The following RPA3 variants were observed in gnomAD, a reference collection of about 807,000 sequenced individuals.
RPA3 encodes the protein replication protein A3.
In RPA3, 24 loss-of-function variants were observed where a neutral mutation model predicts 13.7. The observed-to-expected ratio is 1.75, with a 90% confidence interval of 1.27 to 2.46. The LOEUF is 2.46. RPA3 is among the 30% of genes most tolerant of loss of function. The pLI is 0.00. For synonymous variants in RPA3, 59 were observed against 51.2 expected (o/e 1.15, Z -0.65); for missense variants, 183 against 151.0 (o/e 1.21, Z -1.11).
chr7:7,676,185 C>T (rs1367352951), intron 4 of RPA3: 4 of 398,532 alleles, frequency 1.0e-5, no homozygotes, highest in Admixed American at 4.4e-5. Context: ...CGTGGCTCCA[C>T]GACTTACTCT....
chr7:7,636,720 G>A lies in RPA3; in HGVS notation c.*280C>T, dbSNP rs28710055. On this transcript the variant is annotated 3_prime_UTR_variant, in exon 8 of 8. Transcript: ENST00000223129. ...ATGAAAATGAAATGACCGATAGTACGTACCATTTTAGTTTTTATTAATAAA... is the reference window on the plus strand; with the variant it reads ...ATGAAAATGAAATGACCGATAGTACATACCATTTTAGTTTTTATTAATAAA... The A allele has an allele frequency of 0.01, 3,287 of 316,064 alleles. 75 individuals carry two copies. The highest frequency in any genetic ancestry group is 0.056 in the Admixed American group (1,132 of 20,048). 19.6% of individuals were successfully genotyped at this position (316,064 alleles called of 1,614,324 possible).
intron 2 of RPA3, among the ~76,000 whole-genome samples, chr7:7,696,295 G>A (rs1189400861): frequency 1.3e-5 from 2 of 150,282 alleles, no homozygotes; most frequent in African/African-American, 2.4e-5. Flanking sequence ...GAATTATTAG[G>A]TAGATTAAAA....
intron 2 of RPA3, among the ~76,000 whole-genome samples, chr7:7,690,391 A>G (rs1486015908): frequency 6.6e-6 from 1 of 152,152 alleles, no homozygotes; most frequent in Non-Finnish European, 1.5e-5. Flanking sequence ...AAAACCAAGT[A>G]TATATTATGT....
At chr7:7,638,702 CG>C (rs1563071094) in intron 6 of RPA3, 1 of 161,268 alleles carries the variant, frequency 6.2e-6, no homozygotes, top group African/African-American at 2.4e-5. Context: ...GCATTCCACC[CG>C]GGGTAACAGA....
chr7:7,678,751 T>C (rs1779828700), intron 4 of RPA3, among the ~76,000 whole-genome samples: 7 of 116,334 alleles, frequency 6.0e-5, no homozygotes, highest in Non-Finnish European at 1.0e-4. Flanking sequence ...AGTTTATAAA[T>C]ATATATTTAT....
chr7:7,659,283 G>GT (rs1199029860), intron 4 of RPA3, among the ~76,000 whole-genome samples: 1 of 152,036 alleles, frequency 6.6e-6, no homozygotes, highest in African/African-American at 2.4e-5. Flanking sequence ...TTTTCGAAGG[G>GT]TTTTTCATGT....
rs929835852 is a variant in RPA3, at chr7:7,659,469, G to A, written c.-757-18294C>T. Among the ~76,000 whole-genome samples the A allele has an allele frequency of 3.3e-5, 5 of 152,140 alleles. 1 individual carries two copies. Among genetic ancestry groups the A allele is most frequent in the African/African-American group, 1.2e-4 (5 of 41,420 alleles). On this transcript the variant is annotated intron_variant, in intron 4 of 7. Transcript: ENST00000223129. ...TGCTATAAATTTTCCTCTAAACACTGCTTTAGATGTGTCCCAGGGATTCTG... is the reference window on the plus strand; with the variant it reads ...TGCTATAAATTTTCCTCTAAACACTACTTTAGATGTGTCCCAGGGATTCTG...
In RPA3 at chr7:7,640,649, G is replaced by C; in HGVS notation, c.-231C>G. On this transcript the variant is annotated 5_prime_UTR_variant, in exon 5 of 8. Coordinates refer to ENST00000223129, the MANE Select transcript of RPA3 (RefSeq NM_002947.5). ...GATTGGCTGCTTAGTGACGCGCGGC[G>C]TCCCGGAAGTTGACAGATACAGGGC... 3.7e-6 allele frequency: 2 copies of C among 538,368 alleles called. No individual in the cohort carries two copies. Among genetic ancestry groups the C allele is most frequent in the Non-Finnish European group, 6.6e-6 (2 of 301,514 alleles). 33.3% of individuals were successfully genotyped at this position (538,368 alleles called of 1,614,324 possible).
intron 4 of RPA3, among the ~76,000 whole-genome samples, chr7:7,659,650 T>G (rs2115087995): frequency 6.6e-6 from 1 of 152,346 alleles, no homozygotes; most frequent in South Asian, 2.1e-4. Context: ...TCTCATTTGA[T>G]TGCACTGTGG....
chr7:7,646,446 T>C (rs1339929788), intron 4 of RPA3, among the ~76,000 whole-genome samples: 1 of 151,140 alleles, frequency 6.6e-6, no homozygotes, highest in Non-Finnish European at 1.5e-5. Context: ...TCACGAGATC[T>C]GATGGCTTTA....
intron 2 of RPA3, among the ~76,000 whole-genome samples, chr7:7,711,448 A>G (rs950613034): frequency 2.6e-5 from 4 of 152,134 alleles, no homozygotes; most frequent in African/African-American, 7.2e-5. Flanking sequence ...TATCCTTTTC[A>G]TATTATACTC....
intron 4 of RPA3, among the ~76,000 whole-genome samples, chr7:7,675,400 C>T (rs1307741924): frequency 6.6e-6 from 1 of 152,146 alleles, no homozygotes; most frequent in Non-Finnish European, 1.5e-5. Context: ...AAGATCTCCT[C>T]CAATTTCTGG....
intron 6 of RPA3, chr7:7,638,847 T>C: frequency 2.6e-6 from 1 of 387,924 alleles, no homozygotes; most frequent in Non-Finnish European, 4.6e-6. Context: ...CCAACATTTA[T>C]GGGATATGTT....
At chr7:7,704,929 A>T (rs953738444) in intron 2 of RPA3, among the ~76,000 whole-genome samples, 6 of 152,200 alleles carry the variant, frequency 3.9e-5, no homozygotes, top group African/African-American at 1.4e-4. Flanking sequence ...GATTCTAAAC[A>T]GTATTCATCA....
chr7:7,714,967 A>C (rs1301629421), intron 2 of RPA3, among the ~76,000 whole-genome samples: 3 of 152,042 alleles, frequency 2.0e-5, no homozygotes, highest in African/African-American at 4.8e-5. Context: ...ACAACAACAA[A>C]AAACTACAGA....
In RPA3 at chr7:7,637,925, G is replaced by A. The variant is rs369694701; in HGVS notation, c.222C>T (p.Thr74=). The part of the protein sequence containing the change: ...SGIVEVVGRV[T]AKATILCTSY... ...ATGTACACAAGATGGTGGCCTTGGC[G>A]GTTACTCTTCCAACCACTTCCACAA... is the stretch of plus-strand genomic sequence containing the variant. The change falls in exon 7 of 8, where the codon ACC becomes ACT. Residue 74 remains threonine, a synonymous_variant. Transcript: ENST00000223129. The A allele has an allele frequency of 1.5e-5, 24 of 1,613,486 alleles. No homozygotes were observed. Among genetic ancestry groups the A allele is most frequent in the South Asian group, 1.2e-4 (11 of 91,062 alleles).
chr7:7,638,082 AT>A, intron 6 of RPA3, 110 bp from the exon 7 acceptor site: 1 of 647,254 alleles, frequency 1.5e-6, no homozygotes, highest in Non-Finnish European at 2.6e-6. Flanking sequence ...TAACAAAGTA[AT>A]TTTAAGAATT....
chr7:7,660,965 C>T (rs1785460138), intron 4 of RPA3, among the ~76,000 whole-genome samples: 2 of 151,948 alleles, frequency 1.3e-5, no homozygotes, highest in Admixed American at 1.3e-4. Flanking sequence ...GGTCTTTTCA[C>T]ATAGTCCCAT....
intron 4 of RPA3, among the ~76,000 whole-genome samples, chr7:7,681,530 T>A (rs1268702407): frequency 6.6e-6 from 1 of 152,180 alleles, no homozygotes; most frequent in Non-Finnish European, 1.5e-5. Flanking sequence ...AAAAAAGTTC[T>A]TGTAGAAAAA....
Sources: allele counts gnomAD v4.1 joint callset (sites outside exome capture counted in the v4.1 genomes callset), GRCh38; gene constraint gnomAD v4.1.1; transcripts MANE v1.5; gene names NCBI Gene and HGNC (gene_info 2026-07-23, HGNC 2026-07-21).